PLCB1: variants seen among roughly 807,000 people sequenced by gnomAD.
PLCB1 encodes the protein phospholipase C beta 1.
A neutral mutation model predicts 161.8 loss-of-function variants in PLCB1; 46 were observed. That is an observed-to-expected ratio of 0.28 (90% CI 0.22 to 0.36). The LOEUF (loss-of-function observed/expected upper bound fraction) is 0.36, where lower values mean the gene tolerates loss of function less well. Among genes scored for constraint, PLCB1 ranks in the 10% least tolerant of loss-of-function variants. The pLI is 1.00. For missense variants in PLCB1, 1,016 were observed against 1,472.5 expected (o/e 0.69, Z 5.07); for synonymous variants, 517 against 503.7 (o/e 1.03, Z -0.35).
intron 9 of PLCB1, among the ~76,000 whole-genome samples, chr20:8,678,716 A>T (rs1990147269): frequency 1.3e-5 from 2 of 152,146 alleles, no homozygotes; most frequent in African/African-American, 4.8e-5. Flanking sequence ...TTCCTTCTAA[A>T]CTTAGCCCAT....
At chr20:8,452,409 G>T (rs116117213) in intron 3 of PLCB1, among the ~76,000 whole-genome samples, 2,729 of 152,284 alleles carry the variant, frequency 0.018, 81 homozygotes, top group African/African-American at 0.062. Flanking sequence ...ATTTTGAGGA[G>T]AAAACTTAGC....
At chr20:8,198,366 A>G (rs937020526) in intron 2 of PLCB1, among the ~76,000 whole-genome samples, 10 of 152,012 alleles carry the variant, frequency 6.6e-5, no homozygotes, top group Admixed American at 2.6e-4. Flanking sequence ...TCCTTGAAGA[A>G]GTCCTTCACA....
chr20:8,427,228 T>G (rs1979823764), intron 3 of PLCB1, among the ~76,000 whole-genome samples: 1 of 152,134 alleles, frequency 6.6e-6, no homozygotes, highest in Non-Finnish European at 1.5e-5. Flanking sequence ...GATTATTATA[T>G]CAAGATGGTT....
intron 2 of PLCB1, among the ~76,000 whole-genome samples, chr20:8,231,015 TTC>T (rs1980001710): frequency 6.6e-6 from 1 of 152,104 alleles, no homozygotes; most frequent in Non-Finnish European, 1.5e-5. Flanking sequence ...TTCCATTCCC[TTC>T]TTTCCATTCA....
intron 4 of PLCB1, among the ~76,000 whole-genome samples, chr20:8,637,434 CT>C (rs1258510094): frequency 2.6e-5 from 4 of 151,986 alleles, no homozygotes; most frequent in African/African-American, 9.7e-5. Flanking sequence ...AACAAAAGTA[CT>C]GGTCTTAAAG....
At chr20:8,738,947 C>CT (rs1369481292) in intron 20 of PLCB1, among the ~76,000 whole-genome samples, 3 of 152,050 alleles carry the variant, frequency 2.0e-5, no homozygotes, top group Non-Finnish European at 4.4e-5. Flanking sequence ...GTCGGGAGTT[C>CT]GAGACCAGCC....
At chr20:8,735,738 C>T (rs1469210940) in intron 19 of PLCB1, among the ~76,000 whole-genome samples, 3 of 152,190 alleles carry the variant, frequency 2.0e-5, no homozygotes, top group Non-Finnish European at 4.4e-5. Flanking sequence ...TTTTGAAATG[C>T]TTGCTTATTT....
At chr20:8,328,418 C>T (rs1410635516) in intron 2 of PLCB1, among the ~76,000 whole-genome samples, 1 of 151,914 alleles carries the variant, frequency 6.6e-6, no homozygotes, top group Non-Finnish European at 1.5e-5. Context: ...TCTCTTGTCG[C>T]TGTGTTGGCT....
chr20:8,735,372 C>A (rs951892499), intron 19 of PLCB1, among the ~76,000 whole-genome samples: 1 of 152,200 alleles, frequency 6.6e-6, no homozygotes, highest in African/African-American at 2.4e-5. Flanking sequence ...CAAGTGTAAC[C>A]TGCTGCTCCT....
intron 2 of PLCB1, among the ~76,000 whole-genome samples, chr20:8,292,949 G>T (rs1224294748): frequency 6.6e-6 from 1 of 152,138 alleles, no homozygotes; most frequent in Non-Finnish European, 1.5e-5. Flanking sequence ...TTTGTTAAGT[G>T]GGTGAATACA....
At chr20:8,144,140 G>A (rs1448460752) in intron 1 of PLCB1, among the ~76,000 whole-genome samples, 1 of 152,092 alleles carries the variant, frequency 6.6e-6, no homozygotes, top group Admixed American at 6.6e-5. Context: ...CACCCCAAAG[G>A]CCAATAAGTA....
chr20:8,336,104 A>G (rs950140968), intron 2 of PLCB1, among the ~76,000 whole-genome samples: 3 of 152,184 alleles, frequency 2.0e-5, no homozygotes. Flanking sequence ...CTCTCTGAGG[A>G]AGAATTCCTA....
chr20:8,643,985 C>A (rs1415442424), intron 4 of PLCB1, among the ~76,000 whole-genome samples: 1 of 151,408 alleles, frequency 6.6e-6, no homozygotes, highest in South Asian at 2.1e-4. Context: ...TTGGTGGAGA[C>A]GGGGTTTCGC....
intron 31 of PLCB1, among the ~76,000 whole-genome samples, chr20:8,840,093 T>A (rs1192750811): frequency 1.3e-5 from 2 of 151,674 alleles, no homozygotes; most frequent in African/African-American, 4.8e-5. Flanking sequence ...TTATATGTTG[T>A]TTTTTTCTCA....
In PLCB1 at chr20:8,250,936, A is replaced by G. The variant is rs562941663; in HGVS notation, c.177+100565A>G. On this transcript the variant is annotated intron_variant, in intron 2 of 31. Transcript: ENST00000338037. Reference sequence around the variant, plus strand: ...ACAACATAGGAGACATAAGATATGTACTCTGATTGTCTTGGTCTGTTCAGA... The same window carrying G: ...ACAACATAGGAGACATAAGATATGTGCTCTGATTGTCTTGGTCTGTTCAGA... 2.0e-5 allele frequency among the ~76,000 whole-genome samples: 3 copies of G among 152,100 alleles called. No homozygotes were observed. The South Asian group carries it at 6.2e-4, about 31-fold the overall frequency.
intron 31 of PLCB1, 130 bp downstream of exon 31, chr20:8,790,391 A>G: frequency 1.6e-6 from 1 of 618,924 alleles, no homozygotes; most frequent in Non-Finnish European, 2.8e-6. Flanking sequence ...AAACTCATGT[A>G]TCTTTCTCAA....
intron 4 of PLCB1, among the ~76,000 whole-genome samples, chr20:8,639,633 G>A (rs1988876109): frequency 6.6e-6 from 1 of 152,204 alleles, no homozygotes; most frequent in South Asian, 2.1e-4. Flanking sequence ...AGCTGCTAAG[G>A]ACATTGGAAA....
At chr20:8,527,437 T>G (rs951361395) in intron 3 of PLCB1, among the ~76,000 whole-genome samples, 1 of 152,152 alleles carries the variant, frequency 6.6e-6, no homozygotes, top group East Asian at 1.9e-4. Context: ...GAGTCAAGAC[T>G]ACTCTTATTA....
chr20:8,315,013 T>C (rs530809508), intron 2 of PLCB1, among the ~76,000 whole-genome samples: 44 of 152,308 alleles, frequency 2.9e-4, no homozygotes, highest in African/African-American at 1.1e-3. Context: ...AGTCTTCACA[T>C]CTGAGGATGG....
Sources: allele counts gnomAD v4.1 joint callset (sites outside exome capture counted in the v4.1 genomes callset), GRCh38; gene constraint gnomAD v4.1.1; transcripts MANE v1.5; gene names NCBI Gene and HGNC (gene_info 2026-07-23, HGNC 2026-07-21).